Variants in OXR1 observed in about 807,000 individuals in gnomAD.
The protein encoded by OXR1 is oxidation resistance protein 1.
OXR1 carries 41 observed loss-of-function variants against 104.6 expected under a neutral mutation model. The ratio of observed to expected loss-of-function variants is 0.39; its 90% confidence interval spans 0.31 to 0.51. OXR1 has a LOEUF of 0.51. OXR1 is among the 20% of genes least tolerant of loss of function. The pLI is 0.77. For missense variants in OXR1, 955 were observed against 1,031.9 expected (o/e 0.93, Z 1.02); for synonymous variants, 348 against 348.4 (o/e 1.00, Z 0.01).
At chr8:106,569,014 C>G (rs982293921) in intron 3 of OXR1, among the ~76,000 whole-genome samples, 3 of 152,032 alleles carry the variant, frequency 2.0e-5, no homozygotes, top group Non-Finnish European at 4.4e-5. Context: ...TTTTCAGTAA[C>G]ATGCTGGACA....
At chr8:106,660,905 CGG>C (rs1445117592) in intron 3 of OXR1, among the ~76,000 whole-genome samples, 1 of 151,988 alleles carries the variant, frequency 6.6e-6, no homozygotes, top group African/African-American at 2.4e-5. Flanking sequence ...CCCAGCTACC[CGG>C]GAGGCTGAGG....
chr8:106,634,349 T>C (rs1822960118), intron 3 of OXR1, among the ~76,000 whole-genome samples: 1 of 152,100 alleles, frequency 6.6e-6, no homozygotes, highest in Non-Finnish European at 1.5e-5. Flanking sequence ...AGAAGAAAGG[T>C]CCCAGCAACT....
chr8:106,284,297 T>G (rs1443952748), intron 1 of OXR1, among the ~76,000 whole-genome samples: 1 of 151,568 alleles, frequency 6.6e-6, no homozygotes, highest in Non-Finnish European at 1.5e-5. Flanking sequence ...AGTAGAGAGG[T>G]GTTCCAGGCA....
At chr8:106,690,610 A>T (rs1224262919) in intron 6 of OXR1, among the ~76,000 whole-genome samples, 1 of 151,318 alleles carries the variant, frequency 6.6e-6, no homozygotes, top group African/African-American at 2.4e-5. Context: ...AGATGGAAAC[A>T]TTATTTCCAT....
At chr8:106,621,079 C>T (rs1336202677) in intron 3 of OXR1, among the ~76,000 whole-genome samples, 5 of 152,146 alleles carry the variant, frequency 3.3e-5, no homozygotes, top group African/African-American at 4.8e-5. Context: ...AATCTATCTT[C>T]AGATTATTTC....
At chr8:106,663,246 CAAAG>C (rs1163963839) in intron 3 of OXR1, among the ~76,000 whole-genome samples, 1 of 152,138 alleles carries the variant, frequency 6.6e-6, no homozygotes, top group Non-Finnish European at 1.5e-5. Flanking sequence ...AAATCTGAGC[CAAAG>C]AAAGAAGTGA....
At chr8:106,518,416 C>A (rs2130102772) in intron 2 of OXR1, among the ~76,000 whole-genome samples, 1 of 152,186 alleles carries the variant, frequency 6.6e-6, no homozygotes, top group East Asian at 1.9e-4. Flanking sequence ...TGTCAGCTAT[C>A]TAAAATGTAG....
At chr8:106,628,350 C>G (rs983013139) in intron 3 of OXR1, among the ~76,000 whole-genome samples, 7 of 152,120 alleles carry the variant, frequency 4.6e-5, no homozygotes, top group African/African-American at 1.4e-4. Context: ...TACATATTCT[C>G]TCATTTAATC....
At chr8:106,340,904 A>G (rs1815220269) in intron 1 of OXR1, among the ~76,000 whole-genome samples, 2 of 152,314 alleles carry the variant, frequency 1.3e-5, no homozygotes, top group South Asian at 4.1e-4. Flanking sequence ...ATTTGCAAAA[A>G]GTTTATAGCA....
At chr8:106,626,211 T>TA (rs941864729) in intron 3 of OXR1, among the ~76,000 whole-genome samples, 1 of 151,664 alleles carries the variant, frequency 6.6e-6, no homozygotes, top group Admixed American at 6.6e-5. Flanking sequence ...TTTTTCCTTG[T>TA]AAAAAAAATT....
At chr8:106,358,418 G>A (rs1176343096) in intron 1 of OXR1, among the ~76,000 whole-genome samples, 1 of 152,182 alleles carries the variant, frequency 6.6e-6, no homozygotes, top group Non-Finnish European at 1.5e-5. Flanking sequence ...TGGGCTGGAA[G>A]CCCCCTTTTC....
At chr8:106,680,643 G>A (rs187395201) in intron 4 of OXR1, among the ~76,000 whole-genome samples, 1 of 152,164 alleles carries the variant, frequency 6.6e-6, no homozygotes, top group African/African-American at 2.4e-5. Context: ...CAATGTGAGT[G>A]GTCCCTTGTT....
At chr8:106,678,278 A>T (rs1428096933) in intron 3 of OXR1, among the ~76,000 whole-genome samples, 1 of 152,038 alleles carries the variant, frequency 6.6e-6, no homozygotes, top group Non-Finnish European at 1.5e-5. Context: ...AATGCCATTT[A>T]AGTTTAGATA....
intron 3 of OXR1, among the ~76,000 whole-genome samples, chr8:106,563,298 A>C (rs144892458): frequency 6.2e-5 from 1 of 16,072 alleles, no homozygotes; most frequent in East Asian, 1.7e-3. Context: ...ATGGAAAGCA[A>C]AAAAAAAAAA....
chr8:106,421,647 T>A (rs1818912277), intron 2 of OXR1, among the ~76,000 whole-genome samples: 1 of 152,156 alleles, frequency 6.6e-6, no homozygotes, highest in Non-Finnish European at 1.5e-5. Flanking sequence ...AAGTCTAGGC[T>A]GGTTATGTTC....
chr8:106,470,304 C>T (rs1286861291), intron 2 of OXR1, among the ~76,000 whole-genome samples: 6 of 151,722 alleles, frequency 4.0e-5, no homozygotes, highest in Non-Finnish European at 5.9e-5. Flanking sequence ...AGATGCACTA[C>T]CAGAAAAATA....
intron 2 of OXR1, among the ~76,000 whole-genome samples, chr8:106,429,127 C>G (rs1206363110): frequency 6.6e-6 from 1 of 152,112 alleles, no homozygotes; most frequent in Non-Finnish European, 1.5e-5. Flanking sequence ...GGCTCGCGTT[C>G]TGCCTCTTCC....
intron 6 of OXR1, among the ~76,000 whole-genome samples, chr8:106,684,764 T>C (rs1013309429): frequency 1.3e-5 from 2 of 152,148 alleles, no homozygotes; most frequent in Non-Finnish European, 2.9e-5. Flanking sequence ...CACATTGCCT[T>C]TTAAAAAATA....
chr8:106,630,358 CTT>C (rs1156913171), intron 3 of OXR1, among the ~76,000 whole-genome samples: 1 of 152,188 alleles, frequency 6.6e-6, no homozygotes, highest in Non-Finnish European at 1.5e-5. Context: ...TGGACTCTAA[CTT>C]CGCCATTTTT....
Sources: allele counts gnomAD v4.1 joint callset (sites outside exome capture counted in the v4.1 genomes callset), GRCh38; gene constraint gnomAD v4.1.1; transcripts MANE v1.5; gene names NCBI Gene and HGNC (gene_info 2026-07-23, HGNC 2026-07-21).